The following CEACAM7 variants were observed in gnomAD, a reference collection of about 807,000 sequenced individuals.
The protein encoded by CEACAM7 is cell adhesion molecule CEACAM7.
A neutral mutation model predicts 25.7 loss-of-function variants in CEACAM7; 24 were observed. The ratio of observed to expected loss-of-function variants is 0.93; its 90% CI spans 0.68 to 1.31. The LOEUF (loss-of-function observed/expected upper bound fraction) is 1.31, where lower values mean the gene tolerates loss of function less well. Ranked by LOEUF, CEACAM7 falls within the 40% of genes most tolerant of loss-of-function variation. The pLI is 0.00. For missense variants in CEACAM7, 324 were observed against 330.1 expected (o/e 0.98, Z 0.14); for synonymous variants, 144 against 129.4 (o/e 1.11, Z -0.77).
At chr19:41,684,776 A>G (rs1348338994) in intron 2 of CEACAM7, among the ~76,000 whole-genome samples, 1 of 152,190 alleles carries the variant, frequency 6.6e-6, no homozygotes, top group African/African-American at 2.4e-5. Context: ...TTAGGAGAAG[A>G]GATGTGTGTT....
Position 41,686,993 on chromosome 19 carries a change from C to T in CEACAM7, c.293G>A (p.Gly98Asp). The T allele has an allele frequency of 6.2e-6, 10 of 1,613,396 alleles. No individual in the cohort carries two copies. The highest frequency in any genetic ancestry group is 2.2e-5 in the South Asian group (2 of 91,020). ...TCCATTGGGGTATATTGTCTCTCGA[C>T]CGTTGTGTGCGGGCCCTGGGGCATT... ...QENAPGPAHN[G>D]RETIYPNGTL... Residue 98 changes from glycine to aspartate, a missense_variant, in exon 2 of 5, where the codon GGT (glycine) becomes GAT (aspartate). By Grantham distance (94) the Gly-to-Asp change is moderately conservative. Coordinates refer to ENST00000401731, the MANE Select transcript of CEACAM7 (RefSeq NM_001291485.2).
At chr19:41,676,298 C>G (rs573789309) in intron 4 of CEACAM7, among the ~76,000 whole-genome samples, 1 of 152,184 alleles carries the variant, frequency 6.6e-6, no homozygotes, top group Non-Finnish European at 1.5e-5. Context: ...GCCATATTTC[C>G]CATTAGATTT....
rs145300337 is a variant in CEACAM7 at position 41,682,488 on chromosome 19, A to G, written c.706+1297T>C. On this transcript the variant is annotated intron_variant, in intron 3 of 4. Transcript: ENST00000401731. ...TGACTTCAGAGCCAGGCCACAGTTCAAGAGTCTGCCCCAGGGCTCCCTCTC... is the reference window on the plus strand; with the variant it reads ...TGACTTCAGAGCCAGGCCACAGTTCGAGAGTCTGCCCCAGGGCTCCCTCTC... 6.4e-3 allele frequency among the ~76,000 whole-genome samples: 980 copies of G among 152,276 alleles called. 5 individuals are homozygous for G. Among genetic ancestry groups the G allele is most frequent in the African/African-American group, 0.019 (774 of 41,544 alleles).
chr19:41,687,976 G>T, intron 1 of CEACAM7, 126 bp downstream of exon 1: 3 of 622,830 alleles, frequency 4.8e-6, no homozygotes, highest in Non-Finnish European at 7.9e-6. Context: ...TCCCTGTCTG[G>T]TGTCCTCTCC....
At chr19:41,686,780 A>C in intron 2 of CEACAM7, 79 bp downstream of exon 2, 1 of 1,447,556 alleles carries the variant, frequency 6.9e-7, no homozygotes, top group East Asian at 2.3e-5. Flanking sequence ...GGACACAGGC[A>C]CAACCCAGGC....
intron 3 of CEACAM7, among the ~76,000 whole-genome samples, chr19:41,680,957 G>A (rs1555810639): frequency 2.0e-5 from 3 of 151,754 alleles, no homozygotes; most frequent in Non-Finnish European, 4.4e-5. Flanking sequence ...TACATCAAAG[G>A]ACATTATCCA....
chr19:41,685,710 A>G (rs1211859216), intron 2 of CEACAM7, among the ~76,000 whole-genome samples: 4 of 152,200 alleles, frequency 2.6e-5, no homozygotes, highest in Admixed American at 1.3e-4. Flanking sequence ...TTTCAGGTCC[A>G]GTGAGGGTAG....
intron 4 of CEACAM7, among the ~76,000 whole-genome samples, chr19:41,675,876 C>G (rs11882356): frequency 0.04 from 6,085 of 152,166 alleles, 404 homozygotes; most frequent in African/African-American, 0.14. Context: ...AATAACATAC[C>G]CGCAAATATA....
rs116688663 is a variant in CEACAM7, at chr19:41,683,179, G to C, written c.706+606C>G. ...ATCATCTTGACTGTGGTACTATTGC[G>C]GTCAGTGGCCAATTTGTGGGCATAG... is the stretch of plus-strand genomic sequence containing the variant. On this transcript the variant is annotated intron_variant, in intron 3 of 4. Transcript: ENST00000401731. 4.2e-3 allele frequency among the ~76,000 whole-genome samples: 634 copies of C among 152,316 alleles called. 8 individuals are homozygous for C. Among genetic ancestry groups the C allele is most frequent in the African/African-American group, 0.015 (604 of 41,560 alleles).
intron 3 of CEACAM7, among the ~76,000 whole-genome samples, chr19:41,683,288 C>T (rs2072193254): frequency 6.6e-6 from 1 of 152,064 alleles, no homozygotes; most frequent in Non-Finnish European, 1.5e-5. Context: ...ATTACTCAGC[C>T]AAAAATACGG....
rs782398173 is a variant in CEACAM7, at chr19:41,686,875, T to C, written c.411A>G (p.Arg137=). ...KENLVNEEVT[R]QFYVFSEPPK... is the part of the protein sequence containing the mutation. ...ATCACTCACAGAATACGTAGAATTGTCTGGTTACTTCTTCATTCACAAGAT... is the reference window on the plus strand; with the variant it reads ...ATCACTCACAGAATACGTAGAATTGCCTGGTTACTTCTTCATTCACAAGAT... The change falls in exon 2 of 5, where the codon AGA becomes AGG. Residue 137 remains arginine (R), a synonymous_variant. Coordinates refer to ENST00000401731, the MANE Select transcript of CEACAM7 (RefSeq NM_001291485.2). The C allele has an allele frequency of 1.3e-6, 2 of 1,529,294 alleles. No individual in the cohort carries two copies. Among genetic ancestry groups the C allele is most frequent in the East Asian group, 4.5e-5 (2 of 44,300 alleles). 94.7% of individuals were successfully genotyped at this position (1,529,294 alleles called of 1,614,324 possible).
chr19:41,688,210 C>T lies in CEACAM7; in HGVS notation c.-45G>A. 6.3e-7 allele frequency: 1 copy of T among 1,596,420 alleles called. No homozygotes were observed. On this transcript the variant is annotated 5_prime_UTR_variant, in exon 1 of 5. Transcript: ENST00000401731. ...TCCTCTGTGGAGAAGAGCTTGGGCT[C>T]CAGGAACTCTCTTGTCAGGGCTGCT...
At chr19:41,677,259 T>C in intron 4 of CEACAM7, 117 bp downstream of exon 4, 1 of 584,486 alleles carries the variant, frequency 1.7e-6, no homozygotes, top group Non-Finnish European at 3.1e-6. Flanking sequence ...AGCAGGAGTT[T>C]AGTGGGAGGA....
intron 4 of CEACAM7, among the ~76,000 whole-genome samples, chr19:41,675,231 T>A (rs1443901849): frequency 1.3e-5 from 2 of 152,236 alleles, no homozygotes; most frequent in Admixed American, 6.5e-5. Flanking sequence ...TTCATAACAA[T>A]GTGAACACCC....
intron 3 of CEACAM7, among the ~76,000 whole-genome samples, chr19:41,680,535 G>C (rs142725974): frequency 1.3e-5 from 2 of 152,136 alleles, no homozygotes; most frequent in Non-Finnish European, 2.9e-5. Flanking sequence ...AATCAACACA[G>C]TGTGGTACTG....
intron 3 of CEACAM7, among the ~76,000 whole-genome samples, chr19:41,681,411 G>T (rs1360871643): frequency 1.3e-5 from 2 of 152,180 alleles, no homozygotes; most frequent in Non-Finnish European, 2.9e-5. Flanking sequence ...ATTTGATGCA[G>T]CAATTCCACT....
At position 41,677,376 on chromosome 19, in the gene CEACAM7, C is replaced by T. The variant is rs782499468; in HGVS notation, c.*36G>A. The T allele has an allele frequency of 1.5e-5, 22 of 1,477,422 alleles. No homozygotes were observed. In the Middle Eastern group the frequency reaches 2.4e-3, roughly 163 times the overall value. 91.5% of individuals were successfully genotyped at this position (1,477,422 alleles called of 1,614,324 possible). ...TAAGAGGAAAGGTCATAATACCTACCACTCTTCCCGAAATGCAGAAACTAC... is the reference window on the plus strand; with the variant it reads ...TAAGAGGAAAGGTCATAATACCTACTACTCTTCCCGAAATGCAGAAACTAC... On this transcript the variant is annotated splice_region_variant and 3_prime_UTR_variant, in exon 4 of 5. Transcript: ENST00000401731.
Position 41,688,103 on chromosome 19 carries a change from T to A in CEACAM7, c.63A>T (p.Thr21=), listed in dbSNP as rs149863533. 2 of 1,609,930 alleles carry A rather than the reference T, an allele frequency of 1.2e-6. No homozygotes were observed. The highest frequency in any genetic ancestry group is 4.5e-5 in the East Asian group (2 of 44,440). ...ACTCCCAGGAAGTCCTCCCCTCACC[T>A]GTGAGCAGGAGCCCCTGCCAGGGAA... ...VCIPWQGLLL[T]ASLLTFWNLP... is the part of the protein sequence containing the mutation. Residue 21 remains threonine, a splice_region_variant and synonymous_variant, in exon 1 of 5, where the codon ACA becomes ACT. Coordinates refer to ENST00000401731, the MANE Select transcript of CEACAM7 (RefSeq NM_001291485.2).
Position 41,687,176 on chromosome 19 carries a change from T to A in CEACAM7, c.110A>T (p.Asn37Ile). The change falls in exon 2 of 5, where the codon AAT (asparagine) becomes ATT (isoleucine). Residue 37 changes from asparagine to isoleucine, a missense_variant. Coordinates refer to ENST00000401731, the MANE Select transcript of CEACAM7 (RefSeq NM_001291485.2). ...GACATTGAACGGCACGACATCAATA[T>A]TGGTCTGGGCACTGTTTGGCAGGTT... Reference protein sequence around the residue: ...FWNLPNSAQTNIDVVPFNVAE... With the variant: ...FWNLPNSAQTIIDVVPFNVAE... 1 of 1,613,620 alleles carries A rather than the reference T, an allele frequency of 6.2e-7. No individual in the cohort carries two copies. The highest frequency in any genetic ancestry group is 8.5e-7 in the Non-Finnish European group (1 of 1,179,708).
Sources: gnomAD v4.1 joint callset for allele counts (sites outside exome capture counted in the v4.1 genomes callset) on GRCh38, gnomAD v4.1.1 for gene constraint, MANE v1.5 for transcripts, NCBI Gene and HGNC (gene_info 2026-07-23, HGNC 2026-07-21) for gene names.